The following KCNMB2 variants were observed in gnomAD, a reference collection of about 807,000 sequenced individuals.
The protein encoded by KCNMB2 is potassium calcium-activated channel subfamily M regulatory beta subunit 2.
KCNMB2 carries 9 observed loss-of-function variants against 24.5 expected under a neutral mutation model. The ratio of observed to expected loss-of-function variants is 0.37; its 90% CI spans 0.22 to 0.64. The LOEUF is 0.64. Ranked by LOEUF, KCNMB2 falls within the 30% of genes least tolerant of loss-of-function variation. The probability of loss-of-function intolerance (pLI) is 0.63; values close to 1 mark genes in which losing one functional copy is unlikely to be tolerated. For missense variants in KCNMB2, 226 were observed against 284.3 expected, an observed-to-expected ratio of 0.79 and a Z score of 1.47; for synonymous variants, 109 against 104.4, an observed-to-expected ratio of 1.04 and a Z score of -0.27.
At chr3:178,705,735 T>A (rs534165522) in intron 1 of KCNMB2, among the ~76,000 whole-genome samples, 1 of 152,320 alleles carries the variant, frequency 6.6e-6, no homozygotes, top group South Asian at 2.1e-4. Flanking sequence ...TATTCATTCC[T>A]ATGCTTTTGA....
chr3:178,833,075 C>CTTTGA (rs1715101838), intron 4 of KCNMB2, among the ~76,000 whole-genome samples: 3 of 22,962 alleles, frequency 1.3e-4, no homozygotes, highest in East Asian at 3.3e-4. Flanking sequence ...TTACTTCTGC[C>CTTTGA]AGGTACAAGC....
At chr3:178,722,441 G>T (rs950968986) in intron 1 of KCNMB2, among the ~76,000 whole-genome samples, 2 of 152,156 alleles carry the variant, frequency 1.3e-5, no homozygotes, top group African/African-American at 4.8e-5. Flanking sequence ...ATCATCCCAT[G>T]GTGGAAGGCA....
chr3:178,615,631 C>A (rs899415455), intron 1 of KCNMB2, among the ~76,000 whole-genome samples: 3 of 152,174 alleles, frequency 2.0e-5, no homozygotes, highest in Non-Finnish European at 4.4e-5. Flanking sequence ...AGTCAGCTTG[C>A]GATGAGTGCT....
chr3:178,560,159 T>C (rs980876039), intron 1 of KCNMB2, among the ~76,000 whole-genome samples: 52 of 151,258 alleles, frequency 3.4e-4, no homozygotes, highest in Non-Finnish European at 5.5e-4. Flanking sequence ...ATTAGTCAGT[T>C]CATTTGATTA....
chr3:178,610,926 G>A (rs1056708773), intron 1 of KCNMB2, among the ~76,000 whole-genome samples: 5 of 152,040 alleles, frequency 3.3e-5, no homozygotes, highest in East Asian at 1.9e-4. Flanking sequence ...TCTTCCTGAC[G>A]GTTTTTATCA....
chr3:178,643,980 A>T (rs1719818509), intron 1 of KCNMB2, among the ~76,000 whole-genome samples: 1 of 152,248 alleles, frequency 6.6e-6, no homozygotes, highest in Admixed American at 6.5e-5. Flanking sequence ...ACACCTTTAG[A>T]TATCCAATCA....
At chr3:178,731,306 G>A (rs545982013) in intron 1 of KCNMB2, among the ~76,000 whole-genome samples, 3 of 152,256 alleles carry the variant, frequency 2.0e-5, no homozygotes, top group South Asian at 2.1e-4. Context: ...GGATTTCAGC[G>A]AACCAGTGGA....
At chr3:178,802,300 T>C (rs1365873128) in intron 1 of KCNMB2, among the ~76,000 whole-genome samples, 1 of 152,176 alleles carries the variant, frequency 6.6e-6, no homozygotes, top group East Asian at 1.9e-4. Context: ...CATATAAGTA[T>C]GTGTTAAATA....
chr3:178,808,153 A>G (rs570598307), intron 2 of KCNMB2, among the ~76,000 whole-genome samples: 1 of 152,184 alleles, frequency 6.6e-6, no homozygotes, highest in Non-Finnish European at 1.5e-5. Flanking sequence ...GGGCAAAGGC[A>G]GCATTAATGA....
At chr3:178,546,002 TA>T (rs1715760618) in intron 1 of KCNMB2, among the ~76,000 whole-genome samples, 1 of 152,096 alleles carries the variant, frequency 6.6e-6, no homozygotes, top group African/African-American at 2.4e-5. Flanking sequence ...TCTGTGTAGA[TA>T]ACTCAAGGTA....
intron 1 of KCNMB2, among the ~76,000 whole-genome samples, chr3:178,786,702 C>G (rs1159697022): frequency 6.6e-6 from 1 of 151,732 alleles, no homozygotes; most frequent in Non-Finnish European, 1.5e-5. Context: ...CAAACCTGCA[C>G]GTTGTGCACA....
intron 1 of KCNMB2, among the ~76,000 whole-genome samples, chr3:178,577,027 GACCCCGGTGCCTCCTGACTGGGAGAC>G (rs918393807): frequency 6.6e-6 from 1 of 152,162 alleles, no homozygotes; most frequent in African/African-American, 2.4e-5. Flanking sequence ...GTGGGTCCCT[GACCCCGGTGCCTCCTGACTGGGAGAC>G]ACCTCCCAGC....
intron 1 of KCNMB2, among the ~76,000 whole-genome samples, chr3:178,690,983 G>A (rs961760878): frequency 1.3e-5 from 2 of 151,880 alleles, no homozygotes; most frequent in Admixed American, 1.3e-4. Flanking sequence ...TGCCTCCCAG[G>A]CTGGAGTGCA....
chr3:178,828,409 C>T (rs768364939), intron 4 of KCNMB2, 36 bp downstream of exon 4: 1 of 1,482,588 alleles, frequency 6.7e-7, no homozygotes, highest in South Asian at 1.2e-5. Flanking sequence ...AGTTACCCCA[C>T]AGAGCTTCAC....
chr3:178,661,189 C>T (rs1265578053), intron 1 of KCNMB2, among the ~76,000 whole-genome samples: 3 of 151,404 alleles, frequency 2.0e-5, no homozygotes, highest in Non-Finnish European at 4.4e-5. Flanking sequence ...TCCCTGTGTC[C>T]ATGTGTTCTC....
At chr3:178,616,707 C>T (rs988075311) in intron 1 of KCNMB2, among the ~76,000 whole-genome samples, 2 of 152,202 alleles carry the variant, frequency 1.3e-5, no homozygotes, top group East Asian at 1.9e-4. Flanking sequence ...GTGTCCTTGT[C>T]GGAGGAACAA....
intron 2 of KCNMB2, among the ~76,000 whole-genome samples, chr3:178,821,683 T>C (rs536262072): frequency 1.3e-5 from 2 of 152,148 alleles, no homozygotes; most frequent in South Asian, 2.1e-4. Context: ...CCTGGAAGAG[T>C]AGGGAAATAC....
At position 178,812,285 on chromosome 3, in the gene KCNMB2, G is replaced by T. The variant is rs147042326; in HGVS notation, c.56+4820G>T. 1.5e-3 allele frequency among the ~76,000 whole-genome samples: 224 copies of T among 151,428 alleles called. 1 individual carries two copies. Among genetic ancestry groups the T allele is most frequent in the African/African-American group, 5.2e-3 (216 of 41,230 alleles). ...AAGTTTTAGGGTACATGTGCACAACGTGCAGGTTTGTTACATATGTATACA... is the reference window on the plus strand; with the variant it reads ...AAGTTTTAGGGTACATGTGCACAACTTGCAGGTTTGTTACATATGTATACA... On this transcript the variant is annotated intron_variant, in intron 2 of 4. Transcript: ENST00000452583.
chr3:178,610,639 G>A (rs1718448359), intron 1 of KCNMB2, among the ~76,000 whole-genome samples: 2 of 152,244 alleles, frequency 1.3e-5, no homozygotes, highest in Non-Finnish European at 2.9e-5. Context: ...AGTTCTAATA[G>A]TTTTCTTGTG....
Sources: gnomAD v4.1 joint callset for allele counts (sites outside exome capture counted in the v4.1 genomes callset) on GRCh38, gnomAD v4.1.1 for gene constraint, MANE v1.5 for transcripts, NCBI Gene and HGNC (gene_info 2026-07-23, HGNC 2026-07-21) for gene names.